Variants in YAP1 observed in about 807,000 individuals in gnomAD.
YAP1 encodes transcriptional coactivator YAP1.
YAP1 carries 5 observed loss-of-function variants against 56.9 expected under a neutral mutation model. The ratio of observed to expected loss-of-function variants is 0.09; its 90% CI spans 0.05 to 0.18. The LOEUF is 0.18. YAP1 is among the 10% of genes least tolerant of loss of function. YAP1 has a pLI of 1.00. For synonymous variants in YAP1, 265 were observed against 248.1 expected (o/e 1.07, Z -0.64); for missense variants, 539 against 651.8 (o/e 0.83, Z 1.88).
Position 102,231,778 on chromosome 11 carries a change from A to G in YAP1, c.*1838A>G, listed in dbSNP as rs138650394. On this transcript the variant is annotated 3_prime_UTR_variant, in exon 9 of 9. Coordinates refer to ENST00000282441, the MANE Select transcript of YAP1 (RefSeq NM_001130145.3). ...TTCAAGGGTTCATAACAGGCATAAA[A>G]TCTCTTCTCCTGGCAAAAGCTGCTA... is the stretch of plus-strand genomic sequence containing the variant. The G allele has an allele frequency of 1.3e-5, 2 of 152,692 alleles. No individual in the cohort carries two copies. The highest frequency in any genetic ancestry group is 2.4e-5 in the African/African-American group (1 of 41,554). 9.5% of individuals were successfully genotyped at this position (152,692 alleles called of 1,614,324 possible).
At chr11:102,175,692 T>C (rs961299830) in intron 3 of YAP1, among the ~76,000 whole-genome samples, 1 of 152,216 alleles carries the variant, frequency 6.6e-6, no homozygotes, top group African/African-American at 2.4e-5. Context: ...CTGGACAGCA[T>C]GTTACCGTAC....
chr11:102,170,939 A>G (rs1447832285), intron 3 of YAP1, among the ~76,000 whole-genome samples: 1 of 150,200 alleles, frequency 6.7e-6, no homozygotes, highest in Non-Finnish European at 1.5e-5. Flanking sequence ...ACTGCACTTC[A>G]GCCTGGGATA....
chr11:102,196,438 C>T (rs535606486), intron 4 of YAP1, among the ~76,000 whole-genome samples: 1 of 152,202 alleles, frequency 6.6e-6, no homozygotes, highest in South Asian at 2.1e-4. Flanking sequence ...ATCTGGAAAA[C>T]ATTATAAATG....
chr11:102,227,598 C>T lies in YAP1; in HGVS notation c.1276+17C>T, dbSNP rs1950254537. On this transcript the variant is annotated intron_variant, in intron 8 of 8. Transcript: ENST00000282441. Reference sequence around the variant, plus strand: ...TGGATACAGGTTGGTATTCTTTATTCCTCTTAGTAACCTGACTTAACAGTG... The same window carrying T: ...TGGATACAGGTTGGTATTCTTTATTTCTCTTAGTAACCTGACTTAACAGTG... The T allele has an allele frequency of 6.5e-7, 1 of 1,547,300 alleles. No homozygotes were observed. The highest frequency in any genetic ancestry group is 8.9e-7 in the Non-Finnish European group (1 of 1,120,868).
rs752232576 is a variant in YAP1, at chr11:102,110,980, G to A, written c.132G>A (p.Ala44=). ...GQPAPAATQA[A]PQAPPAGHQI... is the part of the protein sequence containing the mutation. ...CGGCACCCGCGGCGACCCAGGCGGCGCCGCAGGCACCCCCCGCCGGGCATC... is the reference window on the plus strand; with the variant it reads ...CGGCACCCGCGGCGACCCAGGCGGCACCGCAGGCACCCCCCGCCGGGCATC... Residue 44 remains alanine, a synonymous_variant, in exon 1 of 9, where the codon GCG becomes GCA. Coordinates refer to ENST00000282441, the MANE Select transcript of YAP1 (RefSeq NM_001130145.3). The A allele has an allele frequency of 6.5e-6, 10 of 1,535,260 alleles. No homozygotes were observed. The highest frequency in any genetic ancestry group is 2.1e-4 in the Middle Eastern group (1 of 4,680).
chr11:102,146,201 C>G (rs1418401662), intron 2 of YAP1, among the ~76,000 whole-genome samples: 2 of 152,118 alleles, frequency 1.3e-5, no homozygotes, highest in East Asian at 3.9e-4. Flanking sequence ...TAATAAAAGA[C>G]AAATAGAGAC....
At position 102,231,632 on chromosome 11, in the gene YAP1, G is replaced by C. The variant is rs1950436681; in HGVS notation, c.*1692G>C. 1 of 152,570 alleles carries C rather than the reference G, an allele frequency of 6.6e-6. No homozygotes were observed. The highest frequency in any genetic ancestry group is 1.5e-5 in the Non-Finnish European group (1 of 68,030). The allele number at this position is 152,570 out of a possible 1,614,324, so 9.5% of individuals were successfully genotyped here. On this transcript the variant is annotated 3_prime_UTR_variant, in exon 9 of 9. Coordinates refer to ENST00000282441, the MANE Select transcript of YAP1 (RefSeq NM_001130145.3). ...AGAGTATTTTTTAAAGGAACAAAAC[G>C]AGCATGAATTAACTCTTCAATATAA...
In YAP1 at chr11:102,110,717, C is replaced by G; in HGVS notation, c.-132C>G. 1 of 821,038 alleles carries G rather than the reference C, an allele frequency of 1.2e-6. No homozygotes were observed. The allele number at this position is 821,038 out of a possible 1,614,324, so 50.9% of individuals were successfully genotyped here. ...GGGGCCGCGGCGCAGCCCCCCGGCC[C>G]TGAGAGCGAGGACAGCGCCGCCCGG... On this transcript the variant is annotated 5_prime_UTR_variant, in exon 1 of 9. Coordinates refer to ENST00000282441, the MANE Select transcript of YAP1 (RefSeq NM_001130145.3).
chr11:102,151,049 C>T (rs1391236261), intron 2 of YAP1, among the ~76,000 whole-genome samples: 2 of 151,780 alleles, frequency 1.3e-5, no homozygotes, highest in Admixed American at 6.6e-5. Context: ...TTGCTGGTCT[C>T]GAATGCCTGA....
At chr11:102,121,642 C>G (rs1336960298) in intron 2 of YAP1, among the ~76,000 whole-genome samples, 1 of 152,084 alleles carries the variant, frequency 6.6e-6, no homozygotes, top group Non-Finnish European at 1.5e-5. Context: ...TTGTCAGATC[C>G]AAAGACTGTA....
intron 2 of YAP1, among the ~76,000 whole-genome samples, chr11:102,114,947 A>C (rs1943186811): frequency 6.6e-6 from 1 of 152,222 alleles, no homozygotes; most frequent in Admixed American, 6.5e-5. Context: ...ATGTAAAGGG[A>C]AATAAAAATT....
At chr11:102,217,252 G>C (rs1206031710) in intron 6 of YAP1, among the ~76,000 whole-genome samples, 3 of 152,116 alleles carry the variant, frequency 2.0e-5, no homozygotes, top group Admixed American at 6.5e-5. Flanking sequence ...AGGTATGTTG[G>C]CCTTACATAA....
At chr11:102,183,929 T>C (rs1241100210) in intron 3 of YAP1, among the ~76,000 whole-genome samples, 1 of 151,276 alleles carries the variant, frequency 6.6e-6, no homozygotes, top group East Asian at 1.9e-4. Flanking sequence ...ACAAAAAAAT[T>C]AGCCGGGCGT....
chr11:102,119,926 C>T (rs1943544840), intron 2 of YAP1, among the ~76,000 whole-genome samples: 1 of 152,146 alleles, frequency 6.6e-6, no homozygotes, highest in African/African-American at 2.4e-5. Flanking sequence ...CTTAATGCTA[C>T]CCTCTGTAAT....
intron 3 of YAP1, among the ~76,000 whole-genome samples, chr11:102,166,029 G>A (rs554238075): frequency 1.3e-5 from 2 of 152,234 alleles, no homozygotes; most frequent in African/African-American, 4.8e-5. Context: ...TTATGGGGAC[G>A]GTCAGACAGT....
intron 3 of YAP1, among the ~76,000 whole-genome samples, chr11:102,166,058 G>GACT (rs1946586609): frequency 6.6e-6 from 1 of 152,156 alleles, no homozygotes; most frequent in African/African-American, 2.4e-5. Flanking sequence ...GAAGGGAAGA[G>GACT]ACTAGCTGAT....
chr11:102,139,254 T>G (rs1472605386), intron 2 of YAP1, among the ~76,000 whole-genome samples: 1 of 151,816 alleles, frequency 6.6e-6, no homozygotes, highest in Admixed American at 6.6e-5. Flanking sequence ...CCATGGTGAC[T>G]CCTCCATTTT....
chr11:102,197,789 T>G (rs1228107886), intron 4 of YAP1, among the ~76,000 whole-genome samples: 1 of 152,206 alleles, frequency 6.6e-6, no homozygotes, highest in Admixed American at 6.5e-5. Flanking sequence ...TTTCAATAGT[T>G]GATAGCCAGA....
chr11:102,140,906 A>G (rs184121304), intron 2 of YAP1, among the ~76,000 whole-genome samples: 1 of 152,170 alleles, frequency 6.6e-6, no homozygotes, highest in African/African-American at 2.4e-5. Flanking sequence ...TGGGTGAAAT[A>G]GTGAGTTTCT....
Sources: gnomAD v4.1 joint callset for allele counts (sites outside exome capture counted in the v4.1 genomes callset) on GRCh38, gnomAD v4.1.1 for gene constraint, MANE v1.5 for transcripts, NCBI Gene and HGNC (gene_info 2026-07-23, HGNC 2026-07-21) for gene names.